CIT: variants seen among roughly 807,000 people sequenced by gnomAD.
CIT encodes the protein citron rho-interacting serine/threonine kinase, also known as citron Rho-interacting kinase.
A neutral mutation model predicts 272.7 loss-of-function variants in CIT; 79 were observed. That is an observed-to-expected ratio of 0.29 (90% CI 0.24 to 0.35). The LOEUF is 0.35. Ranked by LOEUF, CIT falls within the 10% of genes least tolerant of loss-of-function variation. CIT has a pLI of 1.00. For missense variants in CIT, 1,909 were observed against 2,618.3 expected (o/e 0.73, Z 5.91); for synonymous variants, 948 against 995.6 (o/e 0.95, Z 0.90).
At chr12:119,838,696 A>G (rs937089022) in intron 5 of CIT, among the ~76,000 whole-genome samples, 2 of 152,190 alleles carry the variant, frequency 1.3e-5, no homozygotes, top group Non-Finnish European at 2.9e-5. Context: ...TCTGCTGCTT[A>G]TATTTTTTTC....
chr12:119,704,447 G>A lies in CIT; in HGVS notation c.5220C>T (p.Asn1740=), dbSNP rs374603803. 35 of 1,613,780 alleles carry A rather than the reference G, an allele frequency of 2.2e-5. No homozygotes were observed. The highest frequency in any genetic ancestry group is 1.6e-4 in the Middle Eastern group (1 of 6,078). ...GCATGGCTGCACAGATGCAGAGCCC[G>A]TTCTCAATCTGAAAAGCAACCAAGA... is the stretch of plus-strand genomic sequence containing the variant. ...CHLFGAGKIE[N]GLCICAAMPS... The change falls in exon 41 of 48, where the codon AAC becomes AAT. Residue 1740 remains asparagine, a synonymous_variant. Coordinates refer to ENST00000392521, the MANE Select transcript of CIT (RefSeq NM_001206999.2).
chr12:119,814,296 A>G (rs1388014873), intron 9 of CIT, among the ~76,000 whole-genome samples: 2 of 152,176 alleles, frequency 1.3e-5, no homozygotes, highest in East Asian at 3.9e-4. Flanking sequence ...TTTTCTTACC[A>G]ATCATTTACC....
intron 24 of CIT, among the ~76,000 whole-genome samples, chr12:119,736,783 C>T (rs1334308694): frequency 6.6e-6 from 1 of 152,224 alleles, no homozygotes; most frequent in Non-Finnish European, 1.5e-5. Context: ...ATAAACAATG[C>T]CCAGTAGTTC....
Position 119,804,058 on chromosome 12 carries a change from A to G in CIT, c.1112-669T>C. The G allele has an allele frequency of 1.8e-6, 1 of 561,334 alleles. No individual in the cohort carries two copies. Among genetic ancestry groups the G allele is most frequent in the Non-Finnish European group, 2.3e-6 (1 of 442,782 alleles). The allele number at this position is 561,334 out of a possible 1,614,324, so 34.8% of individuals were successfully genotyped here. A position where few individuals can be genotyped will look rare whatever the true frequency, so the allele number is the denominator to read the frequency against. ...ATGCCCATCAAATCCACTGCAGTTT[A>G]ATCAGCATAATGAAGCACCAGCCAA... On this transcript the variant is annotated intron_variant, in intron 9 of 47. Coordinates refer to ENST00000392521, the MANE Select transcript of CIT (RefSeq NM_001206999.2). The surrounding 1 kb of genome is among the most constrained non-coding windows in gnomAD (Gnocchi z 5.3).
At chr12:119,759,400 C>T (rs1046226951) in intron 20 of CIT, among the ~76,000 whole-genome samples, 1 of 152,220 alleles carries the variant, frequency 6.6e-6, no homozygotes, top group Admixed American at 6.5e-5. Flanking sequence ...AATCCCAACA[C>T]TTTGGGAGGC....
intron 2 of CIT, among the ~76,000 whole-genome samples, chr12:119,875,177 C>T (rs1230645312): frequency 1.3e-5 from 2 of 152,144 alleles, no homozygotes; most frequent in East Asian, 1.9e-4. Context: ...GTGGCACACA[C>T]CTGTGGTCCC....
At chr12:119,835,850 A>G (rs1438891688) in intron 5 of CIT, among the ~76,000 whole-genome samples, 1 of 152,100 alleles carries the variant, frequency 6.6e-6, no homozygotes, top group Non-Finnish European at 1.5e-5. Flanking sequence ...GAAGCCAGTG[A>G]CTCGCGCATC....
chr12:119,714,547 G>A (rs930230741), intron 32 of CIT, among the ~76,000 whole-genome samples: 14 of 152,100 alleles, frequency 9.2e-5, no homozygotes, highest in Admixed American at 5.9e-4. Context: ...ACACCTCCCC[G>A]AAGAGGATAA....
Position 119,694,081 on chromosome 12 carries a change from G to A in CIT, c.5882+3578C>T, listed in dbSNP as rs563245187. Among the ~76,000 whole-genome samples, 4 of 152,074 alleles carry A rather than the reference G, an allele frequency of 2.6e-5. No individual in the cohort carries two copies. Among genetic ancestry groups the A allele is most frequent in the African/African-American group, 7.2e-5 (3 of 41,382 alleles). On this transcript the variant is annotated intron_variant, in intron 46 of 47. Coordinates refer to ENST00000392521, the MANE Select transcript of CIT (RefSeq NM_001206999.2). This position sits in a 1 kb window ranked among gnomAD's most constrained non-coding sequence, Gnocchi z 4.5. ...CAAGGTTTCAAACTTCCTACACCTC[G>A]AGCTGGATCTAGCTCCTAGCACTGT...
At chr12:119,836,284 T>TAAAAAAAAAAAAAAAAAAAAAAA (rs201559880) in intron 5 of CIT, among the ~76,000 whole-genome samples, 1 of 42,262 alleles carries the variant, frequency 2.4e-5, no homozygotes, top group African/African-American at 1.0e-4. Context: ...AGACTCCATC[T>TAAAAAAAAAAAAAAAAAAAAAAA]AAAAAAAAAA....
intron 17 of CIT, 148 bp from the exon 18 acceptor site, chr12:119,771,058 A>G: frequency 5.5e-6 from 5 of 910,680 alleles, no homozygotes; most frequent in Non-Finnish European, 8.2e-6. Flanking sequence ...AGAAAATAAG[A>G]TTCTATAATC....
rs1459319568 is a variant in CIT at position 119,784,033 on chromosome 12, G to A, written c.1420C>T (p.Arg474Trp). 2.5e-6 allele frequency: 4 copies of A among 1,612,108 alleles called. No individual in the cohort carries two copies. The highest frequency in any genetic ancestry group is 2.2e-5 in the East Asian group (1 of 44,890). ...KCHKMEQEMTRLHRRVSEVEA... is the reference protein window; with the variant it reads ...KCHKMEQEMTWLHRRVSEVEA... ...ACCTCTGACACTCTCCGATGTAACC[G>A]GGTCATTTCCTGCTCCATCTGAAAT... Residue 474 changes from arginine to tryptophan, a missense_variant, in exon 12 of 48, where the codon CGG becomes TGG. Around this residue, in one of 8 missense-constraint regions of CIT, gnomAD observed 26 missense variants for 44.1 expected, o/e 0.59. Coordinates refer to ENST00000392521, the MANE Select transcript of CIT (RefSeq NM_001206999.2). This position sits in a 1 kb window ranked among gnomAD's most constrained non-coding sequence, Gnocchi z 4.7.
At chr12:119,772,230 A>AT (rs1340016768) in intron 17 of CIT, among the ~76,000 whole-genome samples, 8 of 152,222 alleles carry the variant, frequency 5.3e-5, no homozygotes. Flanking sequence ...TTTATCCTAT[A>AT]TTCTTCTGTA....
intron 5 of CIT, among the ~76,000 whole-genome samples, chr12:119,839,779 G>A (rs1566111616): frequency 6.6e-6 from 1 of 152,096 alleles, no homozygotes; most frequent in Non-Finnish European, 1.5e-5. Flanking sequence ...CAAAGGTTCA[G>A]GTTAGGAGAA....
intron 39 of CIT, among the ~76,000 whole-genome samples, chr12:119,708,795 A>G (rs1213174341): frequency 6.6e-6 from 1 of 152,154 alleles, no homozygotes; most frequent in Non-Finnish European, 1.5e-5. Context: ...GCCCAAGTCC[A>G]TGATTTAAAT....
chr12:119,710,184 A>C lies in CIT; in HGVS notation c.5071+67T>G. The C allele has an allele frequency of 6.4e-7, 1 of 1,554,734 alleles. No individual in the cohort carries two copies. Among genetic ancestry groups the C allele is most frequent in the Non-Finnish European group, 8.7e-7 (1 of 1,144,868 alleles). On this transcript the variant is annotated intron_variant, in intron 39 of 47. Transcript: ENST00000392521. The surrounding 1 kb of genome is among the most constrained non-coding windows in gnomAD (Gnocchi z 5.6). ...TACTATTTTGTGTTTTACGAGCATG[A>C]AACGTGGCTTCAACATATTGGCTCC...
chr12:119,767,101 C>G lies in CIT; in HGVS notation c.2290G>C (p.Glu764Gln). 6.2e-7 allele frequency: 1 copy of G among 1,609,834 alleles called. No homozygotes were observed. The highest frequency in any genetic ancestry group is 8.5e-7 in the Non-Finnish European group (1 of 1,177,860). Residue 764 changes from glutamate to glutamine, a missense_variant, in exon 19 of 48, where the codon GAG becomes CAG. Glu to Gln is a conservative substitution (Grantham distance 29, BLOSUM62 2). Transcript: ENST00000392521. ...VHLKQKEQHY[E>Q]EKIKVLDNQI... ...AATGTCTTTACTTTAATCTTTTCCT[C>G]ATAGTGCTGCTCTTTCTGTTTCAGG...
intron 27 of CIT, 40 bp downstream of exon 27, chr12:119,730,455 G>C: frequency 6.5e-7 from 1 of 1,541,552 alleles, no homozygotes; most frequent in Non-Finnish European, 8.8e-7. Flanking sequence ...AGAAGGAAAC[G>C]AAAATGTTTT....
intron 6 of CIT, among the ~76,000 whole-genome samples, chr12:119,833,812 C>T (rs1968815319): frequency 6.6e-6 from 1 of 152,102 alleles, no homozygotes; most frequent in Non-Finnish European, 1.5e-5. Context: ...AGAACTCATG[C>T]AAGAGTTCCC....
Sources: allele counts gnomAD v4.1 joint callset (sites outside exome capture counted in the v4.1 genomes callset), GRCh38; gene constraint gnomAD v4.1.1; regional missense constraint gnomAD v4.1.1; non-coding constraint Gnocchi (gnomAD v3.1); transcripts MANE v1.5; gene names NCBI Gene and HGNC (gene_info 2026-07-23, HGNC 2026-07-21).